Variants in MYT1L observed in about 807,000 individuals in gnomAD.
MYT1L encodes the protein myelin transcription factor 1 like.
A neutral mutation model predicts 126.7 loss-of-function variants in MYT1L; 12 were observed. The observed-to-expected ratio is 0.09, with a 90% CI of 0.06 to 0.15. The LOEUF (loss-of-function observed/expected upper bound fraction) is 0.15. MYT1L is among the 10% of genes least tolerant of loss of function. The pLI, the probability that MYT1L is intolerant of heterozygous loss-of-function variation, is 1.00. For missense variants in MYT1L, 979 were observed against 1,585.2 expected, an observed-to-expected ratio of 0.62 and a Z score of 6.49; for synonymous variants, 541 against 604.2, an observed-to-expected ratio of 0.90 and a Z score of 1.53.
rs541465427 is a variant in MYT1L, at chr2:2,178,565, T to C, written c.-420-5577A>G. Among the ~76,000 whole-genome samples, 21 of 152,180 alleles carry C rather than the reference T, an allele frequency of 1.4e-4. No homozygotes were observed. In the East Asian group the frequency reaches 3.9e-3, roughly 28 times the overall value. On this transcript the variant is annotated intron_variant, in intron 2 of 24. Coordinates refer to ENST00000647738, the MANE Select transcript of MYT1L (RefSeq NM_001303052.2). ...CGCCCTCCTTCCTTCTGCAGGAAGG[T>C]GTTGGTGAGGTGGGCCTTTGGGGCT...
At chr2:1,902,734 TATTTAAAGGA>T in intron 14 of MYT1L, 1 of 290,494 alleles carries the variant, frequency 3.4e-6, no homozygotes, top group South Asian at 4.2e-5. Flanking sequence ...CAGAGGCATT[TATTTAAAGGA>T]AGCGTATAAC....
In MYT1L at chr2:1,910,785, T is replaced by C. The variant is rs888891032; in HGVS notation, c.1710-438A>G. Among the ~76,000 whole-genome samples, 2 of 152,198 alleles carry C rather than the reference T, an allele frequency of 1.3e-5. No individual in the cohort carries two copies. Among genetic ancestry groups the C allele is most frequent in the Admixed American group, 6.5e-5 (1 of 15,278 alleles). ...TCCAAGCTGATTTCCTAAATGCTATTGACTGTGGCGTCTGGGGGGCCTGTC... is the reference window on the plus strand; with the variant it reads ...TCCAAGCTGATTTCCTAAATGCTATCGACTGTGGCGTCTGGGGGGCCTGTC... On this transcript the variant is annotated intron_variant, in intron 12 of 24. Coordinates refer to ENST00000647738, the MANE Select transcript of MYT1L (RefSeq NM_001303052.2). The surrounding 1 kb of genome is among the most constrained non-coding windows in gnomAD (Gnocchi z 4.8).
At chr2:2,139,865 T>TA (rs2083685472) in intron 3 of MYT1L, among the ~76,000 whole-genome samples, 1 of 152,150 alleles carries the variant, frequency 6.6e-6, no homozygotes, top group Non-Finnish European at 1.5e-5. Context: ...TCTTGAAAAA[T>TA]AAAAATGTGT....
chr2:2,317,304 G>T (rs991603745), intron 1 of MYT1L, among the ~76,000 whole-genome samples: 3 of 152,114 alleles, frequency 2.0e-5, no homozygotes, highest in Non-Finnish European at 2.9e-5. Flanking sequence ...CAAGGGGCCC[G>T]TCGGTGTGGT....
chr2:1,850,537 G>A (rs928866515), intron 19 of MYT1L, among the ~76,000 whole-genome samples: 3 of 152,092 alleles, frequency 2.0e-5, no homozygotes, highest in African/African-American at 7.2e-5. Context: ...ATTCGCCTTT[G>A]TGTGGACGAT....
chr2:2,079,548 G>A (rs532238357), intron 3 of MYT1L, among the ~76,000 whole-genome samples: 57 of 152,350 alleles, frequency 3.7e-4, no homozygotes, highest in African/African-American at 1.3e-3. Context: ...GCTCACGCCT[G>A]TAATCCCAGC....
intron 8 of MYT1L, among the ~76,000 whole-genome samples, chr2:1,956,283 T>TCTAC (rs1307280195): frequency 8.9e-6 from 1 of 112,058 alleles, no homozygotes; most frequent in Non-Finnish European, 1.8e-5. Flanking sequence ...TATCTACCTA[T>TCTAC]CTATCATCTA....
At chr2:2,156,074 A>G (rs1419849457) in intron 3 of MYT1L, among the ~76,000 whole-genome samples, 1 of 152,222 alleles carries the variant, frequency 6.6e-6, no homozygotes, top group South Asian at 2.1e-4. Context: ...AATAAATTTT[A>G]AAAAGGTATT....
Position 1,892,021 on chromosome 2 carries a change from GCC to G in MYT1L, c.2283+14_2283+15del. The G allele has an allele frequency of 6.6e-7, 1 of 1,505,302 alleles. No homozygotes were observed. The highest frequency in any genetic ancestry group is 1.8e-4 in the Middle Eastern group (1 of 5,446). The allele number at this position is 1,505,302 out of a possible 1,614,324, so 93.2% of individuals were successfully genotyped here. ...CCCCACCCGCCAGGTGGCTCCACCT[GCC>G]CAGGCGCGCGTACCCGCGTGGCGCA... On this transcript the variant is annotated intron_variant, in intron 15 of 24. Coordinates refer to ENST00000647738, the MANE Select transcript of MYT1L (RefSeq NM_001303052.2).
chr2:1,818,263 G>A (rs1227217366), intron 21 of MYT1L, among the ~76,000 whole-genome samples: 1 of 152,158 alleles, frequency 6.6e-6, no homozygotes, highest in Non-Finnish European at 1.5e-5. Flanking sequence ...TGTTGCAGCT[G>A]GAAGGTGCTA....
Position 1,839,142 on chromosome 2 carries a change from C to G in MYT1L, c.3080+7G>C. On this transcript the variant is annotated splice_region_variant and intron_variant, in intron 21 of 24. Coordinates refer to ENST00000647738, the MANE Select transcript of MYT1L (RefSeq NM_001303052.2). Reference sequence around the variant, plus strand: ...CCAGCCAGGGTCCCGCAGACGCGGCCACTCACCTGCGGTGTGTGAGGAAGC... The same window carrying G: ...CCAGCCAGGGTCCCGCAGACGCGGCGACTCACCTGCGGTGTGTGAGGAAGC... 1 of 1,602,828 alleles carries G rather than the reference C, an allele frequency of 6.2e-7. No individual in the cohort carries two copies. Among genetic ancestry groups the G allele is most frequent in the Non-Finnish European group, 8.5e-7 (1 of 1,173,276 alleles).
At chr2:1,861,829 T>A (rs1572958168) in intron 18 of MYT1L, among the ~76,000 whole-genome samples, 2 of 152,104 alleles carry the variant, frequency 1.3e-5, no homozygotes, top group African/African-American at 4.8e-5. Flanking sequence ...GCCTGTGTAA[T>A]CCTGGATCCG....
chr2:2,016,933 G>A (rs1433060154), intron 4 of MYT1L, among the ~76,000 whole-genome samples: 1 of 152,170 alleles, frequency 6.6e-6, no homozygotes, highest in Non-Finnish European at 1.5e-5. Context: ...CCACACAGAT[G>A]GCAATTTAAA....
chr2:1,853,338 T>C (rs2043514892), intron 18 of MYT1L, among the ~76,000 whole-genome samples: 1 of 152,210 alleles, frequency 6.6e-6, no homozygotes, highest in Non-Finnish European at 1.5e-5. Flanking sequence ...CGTCTGCATA[T>C]CATGAGCAAC....
intron 2 of MYT1L, among the ~76,000 whole-genome samples, chr2:2,257,771 T>A (rs1360329236): frequency 6.6e-6 from 1 of 151,144 alleles, no homozygotes; most frequent in Non-Finnish European, 1.5e-5. Flanking sequence ...GAACATTCCA[T>A]GCTCCTGGGT....
chr2:2,265,827 G>A (rs1316774817), intron 2 of MYT1L, among the ~76,000 whole-genome samples: 7 of 152,206 alleles, frequency 4.6e-5, no homozygotes, highest in African/African-American at 1.7e-4. Context: ...TGATGGAAAA[G>A]AAGGGCAGAG....
chr2:1,884,660 C>A (rs2047952255), intron 18 of MYT1L, among the ~76,000 whole-genome samples: 1 of 152,206 alleles, frequency 6.6e-6, no homozygotes, highest in African/African-American at 2.4e-5. Flanking sequence ...TCAGATTTCC[C>A]AGAAAGGCTC....
chr2:2,295,593 C>T (rs958290825), intron 1 of MYT1L, among the ~76,000 whole-genome samples: 2 of 20,794 alleles, frequency 9.6e-5, no homozygotes, highest in African/African-American at 4.2e-4. Flanking sequence ...GACAGACAGA[C>T]AGAGAGAGAG....
chr2:2,276,862 C>CT (rs2095367769), intron 2 of MYT1L, among the ~76,000 whole-genome samples: 1 of 152,206 alleles, frequency 6.6e-6, no homozygotes, highest in Non-Finnish European at 1.5e-5. Context: ...CCTCATGGGC[C>CT]TGTGCATCCA....
Sources: gnomAD v4.1 joint callset for allele counts (sites outside exome capture counted in the v4.1 genomes callset) on GRCh38, gnomAD v4.1.1 for gene constraint, Gnocchi (gnomAD v3.1) non-coding constraint, MANE v1.5 for transcripts, NCBI Gene and HGNC (gene_info 2026-07-23, HGNC 2026-07-21) for gene names.